The following RAD51B variants were observed in gnomAD, a reference collection of about 807,000 sequenced individuals.
The protein encoded by RAD51B is RAD51 paralog B, also known as DNA repair protein RAD51 homolog 2.
In RAD51B, 38 loss-of-function variants were observed where a neutral mutation model predicts 42.2. The observed-to-expected ratio is 0.90, with a 90% CI of 0.70 to 1.18. The LOEUF is 1.18. RAD51B is among the 50% of genes most tolerant of loss of function. The probability of loss-of-function intolerance (pLI) is 0.00; values close to 1 mark genes in which losing one functional copy is unlikely to be tolerated. For missense variants in RAD51B, 373 were observed against 400.7 expected, an observed-to-expected ratio of 0.93 and a Z score of 0.59; for synonymous variants, 154 against 145.2, an observed-to-expected ratio of 1.06 and a Z score of -0.43.
At chr14:68,134,918 G>T (rs2077976983) in intron 7 of RAD51B, among the ~76,000 whole-genome samples, 2 of 151,902 alleles carry the variant, frequency 1.3e-5, no homozygotes, top group Non-Finnish European at 2.9e-5. Flanking sequence ...CAGAGCAAAG[G>T]TTTTACATTT....
chr14:67,874,460 A>G (rs1282144557), intron 5 of RAD51B, among the ~76,000 whole-genome samples: 1 of 151,294 alleles, frequency 6.6e-6, no homozygotes, highest in African/African-American at 2.4e-5. Context: ...CATTAGTGTT[A>G]GTGTATTTTA....
At chr14:68,070,396 G>T (rs925950375) in intron 7 of RAD51B, among the ~76,000 whole-genome samples, 1 of 152,036 alleles carries the variant, frequency 6.6e-6, no homozygotes, top group Non-Finnish European at 1.5e-5. Flanking sequence ...TTCTTTTAGG[G>T]TCTTTATACT....
chr14:68,152,713 A>G (rs1160426031), intron 7 of RAD51B, among the ~76,000 whole-genome samples: 3 of 121,832 alleles, frequency 2.5e-5, no homozygotes, highest in African/African-American at 6.8e-5. Context: ...TACTAAGCTT[A>G]GTACCCAATC....
intron 7 of RAD51B, among the ~76,000 whole-genome samples, chr14:68,089,742 G>A (rs2077058083): frequency 6.6e-6 from 1 of 152,102 alleles, no homozygotes; most frequent in East Asian, 1.9e-4. Flanking sequence ...ATGTTTATGT[G>A]TGTGTGAAAA....
chr14:68,248,791 T>C (rs1190629221), intron 7 of RAD51B, among the ~76,000 whole-genome samples: 2 of 152,236 alleles, frequency 1.3e-5, no homozygotes, highest in Admixed American at 1.3e-4. Flanking sequence ...CTTTCTTTTT[T>C]CCCCAGCTCC....
At chr14:68,540,754 A>T in intron 10 of RAD51B, 1 of 985,454 alleles carries the variant, frequency 1.0e-6, no homozygotes, top group Non-Finnish European at 1.2e-6. Context: ...CTTTGTGAAG[A>T]AATGACAGCT....
intron 7 of RAD51B, among the ~76,000 whole-genome samples, chr14:68,166,324 CTAA>C (rs1228305366): frequency 1.3e-5 from 2 of 151,974 alleles, no homozygotes; most frequent in Non-Finnish European, 2.9e-5. Context: ...GTACAAAATA[CTAA>C]TTATTATTTT....
chr14:68,552,218 G>A (rs1277257299), intron 10 of RAD51B, among the ~76,000 whole-genome samples: 1 of 152,184 alleles, frequency 6.6e-6, no homozygotes, highest in African/African-American at 2.4e-5. Context: ...CCTGGCCTGA[G>A]GGTAGGGGAG....
intron 7 of RAD51B, among the ~76,000 whole-genome samples, chr14:67,951,937 A>G (rs2074459702): frequency 6.6e-6 from 1 of 152,166 alleles, no homozygotes; most frequent in African/African-American, 2.4e-5. Context: ...CATGTGACTC[A>G]CAAATGTTGA....
At chr14:68,410,513 G>C (rs979121040) in intron 8 of RAD51B, among the ~76,000 whole-genome samples, 3 of 152,170 alleles carry the variant, frequency 2.0e-5, no homozygotes, top group African/African-American at 7.2e-5. Flanking sequence ...CTAAGGTTAG[G>C]ATTCCTGTCA....
chr14:68,136,466 T>C (rs1402816367), intron 7 of RAD51B, among the ~76,000 whole-genome samples: 1 of 60,106 alleles, frequency 1.7e-5, no homozygotes, highest in African/African-American at 3.5e-5. Context: ...GAGTCCCAGC[T>C]ACTTGGGAGG....
chr14:68,357,731 AAG>A (rs1186019844), intron 8 of RAD51B, among the ~76,000 whole-genome samples: 1 of 151,950 alleles, frequency 6.6e-6, no homozygotes, highest in Non-Finnish European at 1.5e-5. Context: ...ACTATTTTGA[AAG>A]AGATCTCTTT....
At chr14:68,184,141 A>G (rs1445800915) in intron 7 of RAD51B, among the ~76,000 whole-genome samples, 2 of 150,922 alleles carry the variant, frequency 1.3e-5, no homozygotes, top group African/African-American at 4.9e-5. Context: ...ATGCACCTGT[A>G]CTTGGATGTC....
intron 8 of RAD51B, among the ~76,000 whole-genome samples, chr14:68,324,321 C>G (rs1206019292): frequency 6.6e-6 from 1 of 152,206 alleles, no homozygotes; most frequent in Non-Finnish European, 1.5e-5. Flanking sequence ...CCATCCAGGC[C>G]TCATCTCATA....
chr14:68,344,741 T>C (rs1015028682), intron 8 of RAD51B, among the ~76,000 whole-genome samples: 1 of 150,414 alleles, frequency 6.6e-6, no homozygotes, highest in African/African-American at 2.4e-5. Flanking sequence ...AGGTCAGGAG[T>C]TCGAGACCAG....
At chr14:68,667,572 C>T (rs1893058432) in intron 11 of RAD51B, among the ~76,000 whole-genome samples, 1 of 152,184 alleles carries the variant, frequency 6.6e-6, no homozygotes, top group Admixed American at 6.5e-5. Context: ...AGCCAATATT[C>T]CCCCATGCTC....
chr14:67,983,203 A>G (rs2075126512), intron 7 of RAD51B, among the ~76,000 whole-genome samples: 1 of 152,226 alleles, frequency 6.6e-6, no homozygotes, highest in African/African-American at 2.4e-5. Flanking sequence ...GGTTAAAATA[A>G]GAGTCTCAGC....
intron 8 of RAD51B, among the ~76,000 whole-genome samples, chr14:68,295,568 T>C (rs2081598198): frequency 6.6e-6 from 1 of 152,096 alleles, no homozygotes; most frequent in Non-Finnish European, 1.5e-5. Flanking sequence ...GCTCTTTTGA[T>C]CTCAGCAGGG....
At chr14:68,472,995 A>AT (rs1165239307) in intron 10 of RAD51B, among the ~76,000 whole-genome samples, 1 of 152,012 alleles carries the variant, frequency 6.6e-6, no homozygotes, top group Non-Finnish European at 1.5e-5. Context: ...TTCCCACCCC[A>AT]TTTTTTTAGT....
Sources: gnomAD v4.1 joint callset for allele counts (sites outside exome capture counted in the v4.1 genomes callset) on GRCh38, gnomAD v4.1.1 for gene constraint, MANE v1.5 for transcripts, NCBI Gene and HGNC (gene_info 2026-07-23, HGNC 2026-07-21) for gene names.